The following DAB2IP variants were observed in gnomAD, a reference collection of about 807,000 sequenced individuals.
The protein encoded by DAB2IP is DAB2 interacting protein, also known as disabled homolog 2-interacting protein.
A neutral mutation model predicts 107.2 loss-of-function variants in DAB2IP; 28 were observed. That is an observed-to-expected ratio of 0.26 (90% CI 0.19 to 0.36). DAB2IP has a LOEUF of 0.36. Ranked by LOEUF, DAB2IP falls within the 10% of genes least tolerant of loss-of-function variation. The probability of loss-of-function intolerance (pLI) is 1.00; values close to 1 mark genes in which losing one functional copy is unlikely to be tolerated. For synonymous variants in DAB2IP, 755 were observed against 706.4 expected (o/e 1.07, Z -1.09); for missense variants, 1,400 against 1,644.7 (o/e 0.85, Z 2.57).
upstream of DAB2IP, among the ~76,000 whole-genome samples, chr9:121,647,891 G>A (rs1832596848): frequency 6.7e-6 from 1 of 150,106 alleles, no homozygotes; most frequent in Admixed American, 6.7e-5. Context: ...GGGTATATAT[G>A]TATATATATG....
intron 3 of DAB2IP, among the ~76,000 whole-genome samples, chr9:121,712,137 C>G (rs1830366325): frequency 6.6e-6 from 1 of 152,076 alleles, no homozygotes; most frequent in Non-Finnish European, 1.5e-5. Context: ...TGGCATGGAG[C>G]CCCCAGAGAG....
chr9:121,579,794 G>T (rs1418208912), intron 1 of DAB2IP, among the ~76,000 whole-genome samples: 1 of 152,174 alleles, frequency 6.6e-6, no homozygotes, highest in African/African-American at 2.4e-5. Context: ...ATGAATGAAC[G>T]AATGACTTGA....
chr9:121,620,860 C>T lies in DAB2IP; in HGVS notation c.40+53632C>T, dbSNP rs550699547. ...ACCCCTGAACCTGGGCTACTCCCAA[C>T]ACAGACTGTAAACCTCCCCTGAGCT... On this transcript the variant is annotated intron_variant, in intron 1 of 16. Transcript: ENST00000259371. 2.2e-4 allele frequency among the ~76,000 whole-genome samples: 34 copies of T among 152,334 alleles called. No individual in the cohort carries two copies. The South Asian group carries it at 6.6e-3, about 30-fold the overall frequency.
intron 1 of DAB2IP, among the ~76,000 whole-genome samples, chr9:121,657,510 G>A (rs555696436): frequency 1.3e-5 from 2 of 152,318 alleles, no homozygotes; most frequent in Non-Finnish European, 2.9e-5. Context: ...CTCCTAGCAG[G>A]TAGGGGTTAT....
chr9:121,766,200 A>G (rs1834263981), intron 8 of DAB2IP, among the ~76,000 whole-genome samples: 1 of 152,188 alleles, frequency 6.6e-6, no homozygotes, highest in South Asian at 2.1e-4. Context: ...GTTAGGACGG[A>G]GAGCCAGCTC....
intron 1 of DAB2IP, among the ~76,000 whole-genome samples, chr9:121,663,385 C>T (rs573987488): frequency 6.6e-5 from 10 of 152,276 alleles, no homozygotes; most frequent in African/African-American, 2.4e-4. Flanking sequence ...TCTGCCCCAC[C>T]TCTGGAATAC....
Position 121,759,253 on chromosome 9 carries a change from G to A in DAB2IP, c.615+257G>A, listed in dbSNP as rs147658053. 5.9e-5 allele frequency among the ~76,000 whole-genome samples: 9 copies of A among 152,280 alleles called. No homozygotes were observed. In the East Asian group the frequency reaches 1.2e-3, roughly 20 times the overall value. ...TTGGGGAAATGAGTGCTGGACCCTG[G>A]GGTCCTTCTGCTGGGACCCCTTGTC... On this transcript the variant is annotated intron_variant, in intron 5 of 15. Coordinates refer to ENST00000408936, the Ensembl canonical transcript of DAB2IP.
At chr9:121,693,233 G>A (rs1394924699) in intron 2 of DAB2IP, among the ~76,000 whole-genome samples, 1 of 152,216 alleles carries the variant, frequency 6.6e-6, no homozygotes, top group Non-Finnish European at 1.5e-5. Context: ...GGCCTCAGAT[G>A]TCTCCTCAGT....
intron 1 of DAB2IP, among the ~76,000 whole-genome samples, chr9:121,644,829 C>T (rs867800279): frequency 6.6e-6 from 1 of 152,164 alleles, no homozygotes; most frequent in African/African-American, 2.4e-5. Flanking sequence ...GGGGAAGGCT[C>T]ATCACTCCAA....
chr9:121,643,988 C>T (rs1832447812), intron 1 of DAB2IP, among the ~76,000 whole-genome samples: 3 of 152,136 alleles, frequency 2.0e-5, no homozygotes, highest in Admixed American at 6.6e-5. Context: ...AGCATCATGG[C>T]AAGACTGTGT....
chr9:121,598,944 G>A (rs1181404402), intron 1 of DAB2IP, among the ~76,000 whole-genome samples: 1 of 152,190 alleles, frequency 6.6e-6, no homozygotes, highest in Non-Finnish European at 1.5e-5. Context: ...GACGTTCGCG[G>A]GACGTTCCCT....
At chr9:121,573,824 C>G (rs978691690) in intron 1 of DAB2IP, among the ~76,000 whole-genome samples, 2 of 152,158 alleles carry the variant, frequency 1.3e-5, no homozygotes. Flanking sequence ...CCAGCTTTCT[C>G]CAGCTACAAA....
chr9:121,687,666 C>T (rs1828950282), intron 2 of DAB2IP, among the ~76,000 whole-genome samples: 1 of 152,138 alleles, frequency 6.6e-6, no homozygotes, highest in African/African-American at 2.4e-5. Flanking sequence ...TGAGTCAGGC[C>T]CTGTGCTGAG....
chr9:121,761,976 T>C (rs1022822529), intron 6 of DAB2IP, among the ~76,000 whole-genome samples: 3 of 152,056 alleles, frequency 2.0e-5, no homozygotes, highest in African/African-American at 7.2e-5. Flanking sequence ...GATAGGTATG[T>C]CCAGGTGCTC....
rs570002449 is a variant in DAB2IP, at chr9:121,758,728, T to C, written c.517-170T>C. On this transcript the variant is annotated intron_variant, in intron 4 of 15. Coordinates refer to ENST00000408936, the Ensembl canonical transcript of DAB2IP. The stretch of plus-strand genomic sequence containing the variant: ...GACAGTGGCTCTCAAGTGTACCACC[T>C]GCAAAACATGAAGTAGAGGCGTCAT... 5.3e-5 allele frequency among the ~76,000 whole-genome samples: 8 copies of C among 152,290 alleles called. 2 individuals carry two copies. Among genetic ancestry groups the C allele is most frequent in the African/African-American group, 1.9e-4 (8 of 41,566 alleles).
intron 1 of DAB2IP, among the ~76,000 whole-genome samples, chr9:121,669,026 G>A (rs190709556): frequency 1.2e-4 from 17 of 145,930 alleles, no homozygotes; most frequent in East Asian, 1.0e-3. Flanking sequence ...AGCAATTCTC[G>A]TGCGTCAGCC....
At position 121,782,361 on chromosome 9, in the gene DAB2IP, A is replaced by T; in HGVS notation, c.3433A>T (p.Asn1145Tyr). The stretch of plus-strand genomic sequence containing the variant: ...GCGCATTGCCTCGTTGGATGCCGCC[A>T]ATGCCCGCCTCATGAGTGCCCTGAC... The change falls in exon 16 of 16, where the codon AAT becomes TAT. Residue 1145 changes from asparagine (N) to tyrosine (Y), a missense_variant. Transcript: ENST00000408936. This position sits in a 1 kb window ranked among gnomAD's most constrained non-coding sequence, Gnocchi z 6.1. The T allele has an allele frequency of 6.2e-7, 1 of 1,613,974 alleles. No individual in the cohort carries two copies.
chr9:121,721,945 A>G (rs1177529745), intron 3 of DAB2IP, among the ~76,000 whole-genome samples: 8 of 152,196 alleles, frequency 5.3e-5, no homozygotes, highest in African/African-American at 1.9e-4. Flanking sequence ...GAATCCTTGC[A>G]TGCCCTGGAC....
At chr9:121,716,990 C>T (rs958581019) in intron 3 of DAB2IP, among the ~76,000 whole-genome samples, 2 of 152,134 alleles carry the variant, frequency 1.3e-5, no homozygotes, top group South Asian at 2.1e-4. Context: ...ACTGTTTCAG[C>T]GAAGGCAAGT....
Sources: gnomAD v4.1 joint callset for allele counts (sites outside exome capture counted in the v4.1 genomes callset) on GRCh38, gnomAD v4.1.1 for gene constraint, Gnocchi (gnomAD v3.1) non-coding constraint, MANE v1.5 for transcripts, NCBI Gene and HGNC (gene_info 2026-07-23, HGNC 2026-07-21) for gene names.